The following UCK2 variants were observed in gnomAD, a reference collection of about 807,000 sequenced individuals.
UCK2 encodes the protein uridine-cytidine kinase 2.
A neutral mutation model predicts 30.8 loss-of-function variants in UCK2; 6 were observed. The observed-to-expected ratio is 0.19, with a 90% confidence interval of 0.11 to 0.38. The LOEUF is 0.38. Ranked by LOEUF, UCK2 falls within the 10% of genes least tolerant of loss-of-function variation. UCK2 has a pLI of 1.00. For missense variants in UCK2, 210 were observed against 339.8 expected (o/e 0.62, Z 3.00); for synonymous variants, 125 against 133.6 (o/e 0.94, Z 0.45).
At chr1:165,906,610 C>A (rs1293530544) in intron 6 of UCK2, among the ~76,000 whole-genome samples, 1 of 152,230 alleles carries the variant, frequency 6.6e-6, no homozygotes, top group African/African-American at 2.4e-5. Context: ...TCAAGCGACC[C>A]TTCCATCTCA....
At chr1:165,846,718 C>G (rs1654459560) in intron 1 of UCK2, among the ~76,000 whole-genome samples, 1 of 152,154 alleles carries the variant, frequency 6.6e-6, no homozygotes, top group African/African-American at 2.4e-5. Context: ...TAGGTGTATT[C>G]TTTGTCAAGT....
At chr1:165,828,406 G>A (rs1230217611) in intron 1 of UCK2, among the ~76,000 whole-genome samples, 2 of 152,214 alleles carry the variant, frequency 1.3e-5, no homozygotes, top group African/African-American at 2.4e-5. Context: ...AAGCGCGGCC[G>A]AGAGGGCGAG....
chr1:165,827,766 C>G lies in UCK2; in HGVS notation c.-68C>G. 1 of 1,263,970 alleles carries G rather than the reference C, an allele frequency of 7.9e-7. No homozygotes were observed. The highest frequency in any genetic ancestry group is 2.7e-5 in the South Asian group (1 of 37,626). The allele number at this position is 1,263,970 out of a possible 1,614,324, so 78.3% of individuals were successfully genotyped here. Reference sequence around the variant, plus strand: ...GCGGCTGCGGAAAGCGGAGGGAGTCCGACGCGGGCGCGGGCGGGGAGCGTG... The same window carrying G: ...GCGGCTGCGGAAAGCGGAGGGAGTCGGACGCGGGCGCGGGCGGGGAGCGTG... On this transcript the variant is annotated 5_prime_UTR_variant, in exon 1 of 7. Coordinates refer to ENST00000367879, the MANE Select transcript of UCK2 (RefSeq NM_012474.5).
intron 1 of UCK2, among the ~76,000 whole-genome samples, chr1:165,835,685 A>T (rs1654170760): frequency 6.6e-6 from 1 of 152,214 alleles, no homozygotes; most frequent in South Asian, 2.1e-4. Context: ...AAACATGTAG[A>T]TGAACAAGCT....
intron 1 of UCK2, among the ~76,000 whole-genome samples, chr1:165,867,951 G>A (rs1655089317): frequency 6.6e-6 from 1 of 152,180 alleles, no homozygotes; most frequent in Admixed American, 6.6e-5. Context: ...GGCAGCTGTA[G>A]CCTTACGAAA....
In UCK2 at chr1:165,881,182, TAAAAAAA is replaced by T. The variant is rs56886913; in HGVS notation, c.100-9004_100-8998del. On this transcript the variant is annotated intron_variant, in intron 1 of 6. Coordinates refer to ENST00000367879, the MANE Select transcript of UCK2 (RefSeq NM_012474.5). ...AGTAAGACTCTGTCTCAATAAAACTTAAAAAAAAAAAAAAAAAAAAAAAAGAGATGAT... is the reference window on the plus strand; with the variant it reads ...AGTAAGACTCTGTCTCAATAAAACTTAAAAAAAAAAAAAAAAAGAGATGAT... Among the ~76,000 whole-genome samples the T allele has an allele frequency of 3.2e-5, 3 of 92,852 alleles. 1 individual carries two copies. The highest frequency in any genetic ancestry group is 8.5e-4 in the South Asian group (2 of 2,342). 60.9% of individuals were successfully genotyped at this position (92,852 alleles called of 152,430 possible). A position where few individuals can be genotyped will look rare whatever the true frequency, so the allele number is the denominator to read the frequency against.
intron 1 of UCK2, among the ~76,000 whole-genome samples, chr1:165,850,046 C>T (rs868427592): frequency 2.0e-5 from 3 of 152,172 alleles, no homozygotes; most frequent in Non-Finnish European, 2.9e-5. Flanking sequence ...GAGATCGCTA[C>T]GTGTCCCAGA....
chr1:165,840,737 G>T (rs1571265475), intron 1 of UCK2, among the ~76,000 whole-genome samples: 1 of 152,254 alleles, frequency 6.6e-6, no homozygotes, highest in East Asian at 1.9e-4. Context: ...CTTTCTGTAG[G>T]CCTTAGCGAT....
intron 1 of UCK2, among the ~76,000 whole-genome samples, chr1:165,830,318 AT>A (rs1486263510): frequency 9.3e-6 from 1 of 107,152 alleles, no homozygotes; most frequent in Admixed American, 9.9e-5. Context: ...TTTAATCTTT[AT>A]TTTTTTTATT....
At chr1:165,886,680 A>G (rs1655622862) in intron 1 of UCK2, among the ~76,000 whole-genome samples, 1 of 152,226 alleles carries the variant, frequency 6.6e-6, no homozygotes, top group Non-Finnish European at 1.5e-5. Context: ...AAAGGAGAAC[A>G]CAGAGATGAT....
At chr1:165,881,080 G>C (rs1415204730) in intron 1 of UCK2, among the ~76,000 whole-genome samples, 1 of 149,950 alleles carries the variant, frequency 6.7e-6, no homozygotes, top group Non-Finnish European at 1.5e-5. Flanking sequence ...AGCTGAGGCA[G>C]ACGAATTGTT....
chr1:165,854,713 C>T (rs1654684603), intron 1 of UCK2, among the ~76,000 whole-genome samples: 1 of 152,028 alleles, frequency 6.6e-6, no homozygotes. Flanking sequence ...TATGTTTGTT[C>T]TGATTTTGTT....
chr1:165,855,672 T>C (rs1158661927), intron 1 of UCK2, among the ~76,000 whole-genome samples: 1 of 152,158 alleles, frequency 6.6e-6, no homozygotes, highest in Admixed American at 6.5e-5. Flanking sequence ...GTGCGTGAGC[T>C]GCTGGAAGTC....
intron 1 of UCK2, among the ~76,000 whole-genome samples, chr1:165,831,375 C>T (rs184589472): frequency 6.6e-6 from 1 of 152,182 alleles, no homozygotes; most frequent in Non-Finnish European, 1.5e-5. Flanking sequence ...CGTAGCAAGA[C>T]CCCATCTCAA....
chr1:165,828,606 A>C (rs1434620330), intron 1 of UCK2, among the ~76,000 whole-genome samples: 1 of 152,206 alleles, frequency 6.6e-6, no homozygotes, highest in Non-Finnish European at 1.5e-5. Flanking sequence ...GGTCGGCTTC[A>C]ATGAGAAAGT....
At chr1:165,870,875 T>C (rs1039217654) in intron 1 of UCK2, among the ~76,000 whole-genome samples, 2 of 152,274 alleles carry the variant, frequency 1.3e-5, no homozygotes, top group Non-Finnish European at 2.9e-5. Flanking sequence ...TGGGGTGCAG[T>C]GGCACGATCT....
rs1647236264 is a variant in UCK2, at chr1:165,896,102, C to A, written c.357-88C>A. On this transcript the variant is annotated intron_variant, in intron 3 of 6. Coordinates refer to ENST00000367879, the MANE Select transcript of UCK2 (RefSeq NM_012474.5). Reference sequence around the variant, plus strand: ...TCTGTGGGGGCAAGGAACCCAGAACCCAGCCCAGCCAGATGTTCTGGCCCT... The same window carrying A: ...TCTGTGGGGGCAAGGAACCCAGAACACAGCCCAGCCAGATGTTCTGGCCCT... The A allele has an allele frequency of 2.2e-5, 34 of 1,554,866 alleles. 1 individual carries two copies. In the South Asian group the frequency reaches 4.0e-4, roughly 19 times the overall value.
At chr1:165,888,642 C>CTTTTTTTT (rs60874109) in intron 1 of UCK2, among the ~76,000 whole-genome samples, 57 of 71,054 alleles carry the variant, frequency 8.0e-4, no homozygotes, top group Non-Finnish European at 8.6e-4. Flanking sequence ...CTTTCTTCTT[C>CTTTTTTTT]TTTTTTTTTT....
intron 3 of UCK2, 186 bp from the exon 4 acceptor site, chr1:165,896,004 C>G (rs893612970): frequency 1.4e-6 from 1 of 720,120 alleles, no homozygotes; most frequent in African/African-American, 1.8e-5. Context: ...GCCGTGATCA[C>G]CCTTGGCTCT....
Sources: allele counts gnomAD v4.1 joint callset (sites outside exome capture counted in the v4.1 genomes callset), GRCh38; gene constraint gnomAD v4.1.1; transcripts MANE v1.5; gene names NCBI Gene and HGNC (gene_info 2026-07-23, HGNC 2026-07-21).